The following MTUS2 variants were observed in gnomAD, a reference collection of about 807,000 sequenced individuals.
The protein encoded by MTUS2 is microtubule-associated tumor suppressor candidate 2.
MTUS2 carries 40 observed loss-of-function variants against 114.1 expected under a neutral mutation model. That is an observed-to-expected ratio of 0.35 (90% CI 0.27 to 0.46). MTUS2 has a LOEUF of 0.46. MTUS2 is among the 20% of genes least tolerant of loss of function. MTUS2 has a pLI of 1.00. For synonymous variants in MTUS2, 688 were observed against 672.0 expected, an observed-to-expected ratio of 1.02 and a Z score of -0.37; for missense variants, 1,679 against 1,705.4, an observed-to-expected ratio of 0.98 and a Z score of 0.27.
chr13:29,153,921 T>C (rs9508300), intron 5 of MTUS2, among the ~76,000 whole-genome samples: 60,809 of 152,062 alleles, frequency 0.4, 13,953 homozygotes, highest in Non-Finnish European at 0.48. Flanking sequence ...GTACTCCCTG[T>C]TGCTCAGTAA....
chr13:29,035,427 C>T (rs746436475), intron 4 of MTUS2, among the ~76,000 whole-genome samples: 10 of 152,186 alleles, frequency 6.6e-5, no homozygotes, highest in Non-Finnish European at 8.8e-5. Context: ...AAGGACTCAG[C>T]TCCCTTGGCC....
intron 9 of MTUS2, among the ~76,000 whole-genome samples, chr13:29,454,563 G>C (rs567242616): frequency 3.3e-5 from 5 of 152,082 alleles, no homozygotes; most frequent in Non-Finnish European, 5.9e-5. Context: ...AGTGGTCTAG[G>C]AGTTTAGAGG....
At chr13:28,881,824 A>G (rs1206485760) in intron 2 of MTUS2, among the ~76,000 whole-genome samples, 2 of 152,192 alleles carry the variant, frequency 1.3e-5, no homozygotes, top group Non-Finnish European at 2.9e-5. Flanking sequence ...AGTTTTGAGG[A>G]CTTACGTTAC....
In MTUS2 at chr13:29,273,704, C is replaced by G. The variant is rs1042437608; in HGVS notation, c.2645-8000C>G. Reference sequence around the variant, plus strand: ...AACCCTGAATCAATTAGCAGTCACTCCACTTCCCTTCAGCCCCTGAAAGCC... The same window carrying G: ...AACCCTGAATCAATTAGCAGTCACTGCACTTCCCTTCAGCCCCTGAAAGCC... On this transcript the variant is annotated intron_variant, in intron 5 of 15. Coordinates refer to ENST00000612955, the MANE Select transcript of MTUS2 (RefSeq NM_001033602.4). Among the ~76,000 whole-genome samples the G allele has an allele frequency of 8.5e-5, 13 of 152,304 alleles. 1 individual carries two copies. The highest frequency in any genetic ancestry group is 1.8e-4 in the Non-Finnish European group (12 of 68,020).
At chr13:29,111,156 A>C (rs1890868691) in intron 5 of MTUS2, among the ~76,000 whole-genome samples, 1 of 152,216 alleles carries the variant, frequency 6.6e-6, no homozygotes, top group Non-Finnish European at 1.5e-5. Flanking sequence ...GAAAATTAAT[A>C]TGATAATGGT....
rs538516464 is a variant in MTUS2 at position 29,438,344 on chromosome 13, G to A, written c.3118-1639G>A. Among the ~76,000 whole-genome samples, 361 of 152,296 alleles carry A rather than the reference G, an allele frequency of 2.4e-3. 1 individual carries two copies. The highest frequency in any genetic ancestry group is 4.2e-3 in the Non-Finnish European group (287 of 68,030). ...GGAGGTGTCCGTTGGGTCTGTCTTAGTGTCTTTGGGATGCTGTAACTAAAT... is the reference window on the plus strand; with the variant it reads ...GGAGGTGTCCGTTGGGTCTGTCTTAATGTCTTTGGGATGCTGTAACTAAAT... On this transcript the variant is annotated intron_variant, in intron 8 of 15. Transcript: ENST00000612955.
intron 6 of MTUS2, among the ~76,000 whole-genome samples, chr13:29,315,586 C>G (rs1403108452): frequency 5.3e-5 from 8 of 152,184 alleles, no homozygotes; most frequent in Non-Finnish European, 1.0e-4. Flanking sequence ...ATGTCCCTAT[C>G]TGTGTCATTG....
intron 8 of MTUS2, among the ~76,000 whole-genome samples, chr13:29,366,605 A>G (rs1870736059): frequency 6.6e-6 from 1 of 152,160 alleles, no homozygotes; most frequent in South Asian, 2.1e-4. Context: ...GCCCACTCTA[A>G]GCATACCTGG....
At chr13:28,884,329 A>G (rs886744059) in intron 2 of MTUS2, among the ~76,000 whole-genome samples, 1 of 152,198 alleles carries the variant, frequency 6.6e-6, no homozygotes, top group Non-Finnish European at 1.5e-5. Flanking sequence ...GTATGATTCT[A>G]CTTACATGAG....
chr13:29,096,746 G>T (rs75071739), intron 4 of MTUS2, among the ~76,000 whole-genome samples: 3,784 of 152,262 alleles, frequency 0.025, 171 homozygotes, highest in African/African-American at 0.086. Context: ...TGAAGCTGGG[G>T]TTGGGGACAG....
intron 2 of MTUS2, among the ~76,000 whole-genome samples, chr13:28,960,711 TGAG>T (rs1458504539): frequency 6.6e-6 from 1 of 151,762 alleles, no homozygotes; most frequent in Non-Finnish European, 1.5e-5. Context: ...GAAAGGGAGA[TGAG>T]GAGTGACTGG....
chr13:28,840,258 G>C (rs2137983599), intron 2 of MTUS2, among the ~76,000 whole-genome samples: 1 of 152,276 alleles, frequency 6.6e-6, no homozygotes, highest in South Asian at 2.1e-4. Flanking sequence ...GATAACTGAA[G>C]TTACTGAGAG....
At chr13:28,948,972 C>T (rs999569296) in intron 2 of MTUS2, among the ~76,000 whole-genome samples, 1 of 152,138 alleles carries the variant, frequency 6.6e-6, no homozygotes, top group Non-Finnish European at 1.5e-5. Context: ...TCAGAAGTTG[C>T]TTAACATCTC....
rs905081939 is a variant in MTUS2 at position 29,479,988 on chromosome 13, G to C, written c.3185-162G>C. The stretch of plus-strand genomic sequence containing the variant: ...CCAGGGTCTGTTGTGAGGATCTAAT[G>C]GGTGGAAAGGAAAGCACTTTACAAA... On this transcript the variant is annotated intron_variant, in intron 9 of 15. Coordinates refer to ENST00000612955, the MANE Select transcript of MTUS2 (RefSeq NM_001033602.4). The C allele has an allele frequency of 7.8e-6, 5 of 637,884 alleles. No individual in the cohort carries two copies. The African/African-American group carries it at 9.2e-5, about 12-fold the overall frequency. The allele number at this position is 637,884 out of a possible 1,614,324, so 39.5% of individuals were successfully genotyped here. A position where few individuals can be genotyped will look rare whatever the true frequency, so the allele number is the denominator to read the frequency against.
intron 9 of MTUS2, among the ~76,000 whole-genome samples, chr13:29,468,415 C>T (rs1369109113): frequency 1.3e-5 from 2 of 152,062 alleles, no homozygotes; most frequent in African/African-American, 4.8e-5. Flanking sequence ...CTTGTCTCTA[C>T]TAAAAATACA....
intron 9 of MTUS2, among the ~76,000 whole-genome samples, chr13:29,464,766 A>G (rs997975949): frequency 1.1e-4 from 17 of 152,240 alleles, no homozygotes; most frequent in African/African-American, 4.1e-4. Flanking sequence ...GTCTGCTTAC[A>G]GCAGTGATTC....
intron 2 of MTUS2, among the ~76,000 whole-genome samples, chr13:28,892,364 A>G (rs1878985035): frequency 6.6e-6 from 1 of 152,142 alleles, no homozygotes; most frequent in African/African-American, 2.4e-5. Flanking sequence ...TGCCAGGCTG[A>G]GAAGAAAGAG....
At chr13:29,020,541 G>A (rs1250660652) in intron 2 of MTUS2, among the ~76,000 whole-genome samples, 1 of 152,178 alleles carries the variant, frequency 6.6e-6, no homozygotes, top group African/African-American at 2.4e-5. Context: ...GAGGAGGGAA[G>A]CTGACAGGAA....
At position 29,391,605 on chromosome 13, in the gene MTUS2, C is replaced by G. The variant is rs559651826; in HGVS notation, c.3117+32132C>G. ...TTAGGGAATCTTCCTTTCTCACACT[C>G]TTGATCTTTCTTTGGTCTTTGTTTG... On this transcript the variant is annotated intron_variant, in intron 8 of 15. Transcript: ENST00000612955. Among the ~76,000 whole-genome samples the G allele has an allele frequency of 4.7e-4, 71 of 150,290 alleles. No individual in the cohort carries two copies. The Middle Eastern group carries it at 0.01, about 22-fold the overall frequency.
Sources: allele counts gnomAD v4.1 joint callset (sites outside exome capture counted in the v4.1 genomes callset), GRCh38; gene constraint gnomAD v4.1.1; transcripts MANE v1.5; gene names NCBI Gene and HGNC (gene_info 2026-07-23, HGNC 2026-07-21).